Variants in AJAP1 observed in about 807,000 individuals in gnomAD.
AJAP1 encodes the protein adherens junctions associated protein 1.
A neutral mutation model predicts 35.0 loss-of-function variants in AJAP1; 5 were observed. That is an observed-to-expected ratio of 0.14 (90% confidence interval 0.07 to 0.30). AJAP1 has a LOEUF of 0.30. Among genes scored for constraint, AJAP1 ranks in the 10% least tolerant of loss-of-function variants. The pLI is 1.00. For missense variants in AJAP1, 586 were observed against 571.0 expected, an observed-to-expected ratio of 1.03 and a Z score of -0.27; for synonymous variants, 284 against 249.3, an observed-to-expected ratio of 1.14 and a Z score of -1.31.
intron 1 of AJAP1, among the ~76,000 whole-genome samples, chr1:4,671,426 G>C (rs10915583): frequency 0.25 from 37,443 of 150,434 alleles, 5,381 homozygotes; most frequent in South Asian, 0.49. Context: ...ACATGATGCT[G>C]TGGCATGTGC....
At chr1:4,673,324 G>A (rs2100518515) in intron 1 of AJAP1, among the ~76,000 whole-genome samples, 1 of 152,318 alleles carries the variant, frequency 6.6e-6, no homozygotes, top group African/African-American at 2.4e-5. Flanking sequence ...TGAGTGAGGT[G>A]CCACTGACGG....
chr1:4,717,623 G>A (rs114785177), intron 2 of AJAP1, among the ~76,000 whole-genome samples: 6 of 152,264 alleles, frequency 3.9e-5, no homozygotes, highest in African/African-American at 1.2e-4. Context: ...GAGTGGGAGC[G>A]GGGAGGCCTT....
intron 2 of AJAP1, among the ~76,000 whole-genome samples, chr1:4,725,345 A>G (rs1640629321): frequency 6.6e-6 from 1 of 152,118 alleles, no homozygotes; most frequent in African/African-American, 2.4e-5. Flanking sequence ...CATCTGGGAT[A>G]CTTGGTGTAG....
chr1:4,655,340 C>T lies in AJAP1; in HGVS notation c.-86C>T. 7.7e-7 allele frequency: 1 copy of T among 1,300,520 alleles called. No homozygotes were observed. Among genetic ancestry groups the T allele is most frequent in the Non-Finnish European group, 1.0e-6 (1 of 989,448 alleles). 80.6% of individuals were successfully genotyped at this position (1,300,520 alleles called of 1,614,324 possible). A position where few individuals can be genotyped will look rare whatever the true frequency, so the allele number is the denominator to read the frequency against. On this transcript the variant is annotated 5_prime_UTR_variant, in exon 1 of 6. Transcript: ENST00000378191. The surrounding 1 kb of genome is among the most constrained non-coding windows in gnomAD (Gnocchi z 6.9). ...GCGGACCGAGAGCCGGAGACCGGCG[C>T]CGCGGGACGGAAGCGAGCGGGCGCG...
At chr1:4,744,155 A>T (rs763138834) in intron 2 of AJAP1, among the ~76,000 whole-genome samples, 9 of 152,136 alleles carry the variant, frequency 5.9e-5, no homozygotes, top group Non-Finnish European at 7.4e-5. Context: ...GCCAGGCCCG[A>T]GCTGGTGCAG....
Position 4,681,211 on chromosome 1 carries a change from C to T in AJAP1, c.29+25757C>T, listed in dbSNP as rs564613796. ...AATGCCCCACTGTTAACCCGCAGCCCGCTAAATGCCCGCAGTGTTTGGTAA... is the reference window on the plus strand; with the variant it reads ...AATGCCCCACTGTTAACCCGCAGCCTGCTAAATGCCCGCAGTGTTTGGTAA... On this transcript the variant is annotated intron_variant, in intron 1 of 5. Transcript: ENST00000378191. 1.3e-3 allele frequency among the ~76,000 whole-genome samples: 201 copies of T among 152,344 alleles called. 1 individual carries two copies. The highest frequency in any genetic ancestry group is 4.5e-3 in the African/African-American group (186 of 41,576).
At chr1:4,739,646 C>T (rs1641011213) in intron 2 of AJAP1, among the ~76,000 whole-genome samples, 1 of 152,106 alleles carries the variant, frequency 6.6e-6, no homozygotes, top group Admixed American at 6.5e-5. Context: ...CAGAAATGAC[C>T]CTTGGAGCAT....
intron 5 of AJAP1, among the ~76,000 whole-genome samples, chr1:4,775,586 A>G (rs1365813258): frequency 6.6e-6 from 1 of 152,180 alleles, no homozygotes; most frequent in Non-Finnish European, 1.5e-5. Flanking sequence ...GGGGCGGGGA[A>G]CCAGCTGCAG....
At position 4,786,759 on chromosome 1, in the gene AJAP1, T is replaced by C. The variant is rs1408971025; in HGVS notation, c.*4274T>C. 6.6e-6 allele frequency: 1 copy of C among 151,944 alleles called. No homozygotes were observed. Among genetic ancestry groups the C allele is most frequent in the African/African-American group, 2.4e-5 (1 of 41,348 alleles). The allele number at this position is 151,944 out of a possible 1,614,324, so 9.4% of individuals were successfully genotyped here. ...GAAAGATAAGACCAGGAACCGGGAG[T>C]GAGGCTGGGACTCTCACTCAGCCTT... On this transcript the variant is annotated 3_prime_UTR_variant, in exon 6 of 6. Transcript: ENST00000378191.
At chr1:4,752,502 G>T (rs562849559) in intron 2 of AJAP1, among the ~76,000 whole-genome samples, 1 of 152,144 alleles carries the variant, frequency 6.6e-6, no homozygotes, top group Non-Finnish European at 1.5e-5. Flanking sequence ...GGGACCGAGT[G>T]GTCCACCTGG....
At chr1:4,660,806 A>C (rs1239031522) in intron 1 of AJAP1, among the ~76,000 whole-genome samples, 2 of 152,230 alleles carry the variant, frequency 1.3e-5, no homozygotes, top group African/African-American at 2.4e-5. Context: ...ATGAACGTGC[A>C]GTGTTGCTAA....
At chr1:4,742,787 T>C (rs1641099791) in intron 2 of AJAP1, among the ~76,000 whole-genome samples, 1 of 151,824 alleles carries the variant, frequency 6.6e-6, no homozygotes, top group Non-Finnish European at 1.5e-5. Context: ...TAGAAAATGG[T>C]TTAGGGTTAG....
intron 1 of AJAP1, chr1:4,711,110 A>ACACTTC (rs1339212232): frequency 2.0e-5 from 3 of 152,242 alleles, no homozygotes; most frequent in Admixed American, 6.5e-5. Flanking sequence ...AACAGAACAG[A>ACACTTC]CACTTCGCGT....
In AJAP1 at chr1:4,772,303, G is replaced by C. The variant is rs267598631; in HGVS notation, c.941G>C (p.Arg314Pro). Residue 314 changes from arginine to proline, a missense_variant, in exon 4 of 6, where the codon CGT becomes CCT. Coordinates refer to ENST00000378191, the MANE Select transcript of AJAP1 (RefSeq NM_018836.4). ...AGCTGTGCCCAAAGCGGGAACACTC[G>C]TCGGAACAGCCACCAGCGGAAGACC... ...KNCCAQSGNTRRNSHQRKTNQ... is the reference protein window; with the variant it reads ...KNCCAQSGNTPRNSHQRKTNQ... The C allele has an allele frequency of 1.7e-5, 28 of 1,613,910 alleles. No homozygotes were observed. Among genetic ancestry groups the C allele is most frequent in the Non-Finnish European group, 6.8e-6 (8 of 1,179,990 alleles).
Position 4,772,449 on chromosome 1 carries a change from G to A in AJAP1, c.1087G>A (p.Ala363Thr). ...TLQCSHECVR[A>T]SVPVYTDETL... The stretch of plus-strand genomic sequence containing the variant: ...GCAGTGTTCTCACGAGTGCGTCAGG[G>A]CATCTGTGCCCGTGTACACCGATGA... Residue 363 changes from alanine to threonine, a missense_variant, in exon 4 of 6, where the codon GCA (alanine) becomes ACA (threonine). Ala to Thr is a moderately conservative substitution (Grantham distance 58, BLOSUM62 0). Coordinates refer to ENST00000378191, the MANE Select transcript of AJAP1 (RefSeq NM_018836.4). The A allele has an allele frequency of 6.2e-7, 1 of 1,614,240 alleles. No individual in the cohort carries two copies. Among genetic ancestry groups the A allele is most frequent in the South Asian group, 1.1e-5 (1 of 91,090 alleles).
chr1:4,696,381 A>G (rs1001637060), intron 1 of AJAP1, among the ~76,000 whole-genome samples: 9 of 152,034 alleles, frequency 5.9e-5, no homozygotes, highest in African/African-American at 2.2e-4. Flanking sequence ...CGATGATCTC[A>G]TTAGGGGGAG....
In AJAP1 at chr1:4,712,588, T is replaced by C. The variant is rs750415935; in HGVS notation, c.718T>C (p.Leu240=). 9 of 1,606,208 alleles carry C rather than the reference T, an allele frequency of 5.6e-6. No individual in the cohort carries two copies. Among genetic ancestry groups the C allele is most frequent in the Non-Finnish European group, 7.7e-6 (9 of 1,175,282 alleles). Residue 240 remains leucine (L), a synonymous_variant, in exon 2 of 6, where the codon TTG becomes CTG. Transcript: ENST00000378191. Reference sequence around the variant, plus strand: ...GCAGACTAAGGGGTTCACCGAGTCCTTGGATCCCCGGAGAAGGATCCCAGG... The same window carrying C: ...GCAGACTAAGGGGTTCACCGAGTCCCTGGATCCCCGGAGAAGGATCCCAGG... The part of the protein sequence containing the change: ...TLQTKGFTES[L]DPRRRIPGGV...
In AJAP1 at chr1:4,792,528, A is replaced by G. The variant is rs1374190522; in HGVS notation, c.*10043A>G. 1.3e-5 allele frequency: 2 copies of G among 151,196 alleles called. No individual in the cohort carries two copies. The highest frequency in any genetic ancestry group is 2.9e-5 in the Non-Finnish European group (2 of 67,816). The allele number at this position is 151,196 out of a possible 1,614,324, so 9.4% of individuals were successfully genotyped here. A position where few individuals can be genotyped will look rare whatever the true frequency, so the allele number is the denominator to read the frequency against. On this transcript the variant is annotated 3_prime_UTR_variant, in exon 6 of 6. Coordinates refer to ENST00000378191, the MANE Select transcript of AJAP1 (RefSeq NM_018836.4). ...AAAAAAAAACATAATATGAAAAAAAAAAAAAAGAAGAGAAAAAAGAATTAC... is the reference window on the plus strand; with the variant it reads ...AAAAAAAAACATAATATGAAAAAAAGAAAAAAGAAGAGAAAAAAGAATTAC...
chr1:4,756,076 A>AGG (rs1641424298), intron 2 of AJAP1, among the ~76,000 whole-genome samples: 1 of 152,178 alleles, frequency 6.6e-6, no homozygotes, highest in Non-Finnish European at 1.5e-5. Flanking sequence ...TGCCCAGACA[A>AGG]GCCTAGGAGA....
Sources: gnomAD v4.1 joint callset for allele counts (sites outside exome capture counted in the v4.1 genomes callset) on GRCh38, gnomAD v4.1.1 for gene constraint, Gnocchi (gnomAD v3.1) non-coding constraint, MANE v1.5 for transcripts, NCBI Gene and HGNC (gene_info 2026-07-23, HGNC 2026-07-21) for gene names.